Variants in LSS observed in about 807,000 individuals in gnomAD.
LSS encodes the protein 2,3-epoxysqualene-lanosterol cyclase.
In LSS, 90 loss-of-function variants were observed where a neutral mutation model predicts 110.3. The observed-to-expected ratio is 0.82, with a 90% CI of 0.69 to 0.97. LSS has a LOEUF of 0.97. Ranked by LOEUF, LSS falls within the 50% of genes least tolerant of loss-of-function variation. The pLI is 0.00. For synonymous variants in LSS, 433 were observed against 400.0 expected (o/e 1.08, Z -0.98); for missense variants, 927 against 990.0 (o/e 0.94, Z 0.85).
At chr21:46,219,802 T>C (rs2080252656) in intron 5 of LSS, among the ~76,000 whole-genome samples, 1 of 152,148 alleles carries the variant, frequency 6.6e-6, no homozygotes, top group Non-Finnish European at 1.5e-5. Flanking sequence ...CCTGGGAGTG[T>C]GTGTGTCCAG....
At chr21:46,192,395 C>T (rs1043665445) in intron 20 of LSS, 17 of 424,654 alleles carry the variant, frequency 4.0e-5, no homozygotes, top group African/African-American at 3.4e-4. Context: ...CCTCAGGGGT[C>T]CCCCAGACCC....
intron 6 of LSS, among the ~76,000 whole-genome samples, chr21:46,217,527 C>T (rs1300572124): frequency 1.3e-5 from 2 of 152,212 alleles, no homozygotes; most frequent in African/African-American, 4.8e-5. Context: ...CACTTTCACA[C>T]CCACTTACTT....
chr21:46,206,542 C>T, intron 16 of LSS, 130 bp downstream of exon 16: 1 of 762,178 alleles, frequency 1.3e-6, no homozygotes, highest in Non-Finnish European at 2.2e-6. Context: ...GGGAGGGCTC[C>T]AGACAGATCT....
intron 15 of LSS, among the ~76,000 whole-genome samples, chr21:46,206,985 G>C (rs1016599723): frequency 1.3e-5 from 2 of 152,132 alleles, no homozygotes; most frequent in Non-Finnish European, 2.9e-5. Context: ...AGCCACCAGG[G>C]AACATGCCCC....
chr21:46,221,957 G>A lies in LSS; in HGVS notation c.447C>T (p.Ser149=), dbSNP rs2080285133. 1 of 1,614,034 alleles carries A rather than the reference G, an allele frequency of 6.2e-7. No individual in the cohort carries two copies. Among genetic ancestry groups the A allele is most frequent in the Non-Finnish European group, 8.5e-7 (1 of 1,180,034 alleles). Residue 149 remains serine, a synonymous_variant, in exon 5 of 22, where the codon TCC becomes TCT. Coordinates refer to ENST00000397728, the MANE Select transcript of LSS (RefSeq NM_002340.6). ...GGWGLHIEDK[S]TVFGTALNYV... Reference sequence around the variant, plus strand: ...AGTTGAGCGCAGTCCCAAACACGGTGGACTTATCCTCAATGTGCCTACAGG... The same window carrying A: ...AGTTGAGCGCAGTCCCAAACACGGTAGACTTATCCTCAATGTGCCTACAGG...
chr21:46,210,417 C>T (rs1444308344), intron 12 of LSS, among the ~76,000 whole-genome samples: 1 of 152,078 alleles, frequency 6.6e-6, no homozygotes, highest in Non-Finnish European at 1.5e-5. Flanking sequence ...TGCCTGCACT[C>T]TCAGAAACAG....
At chr21:46,222,015 C>T in intron 4 of LSS, 40 bp from the exon 5 acceptor site, 2 of 1,606,380 alleles carry the variant, frequency 1.2e-6, no homozygotes, top group East Asian at 2.2e-5. Context: ...GGTATCTGTC[C>T]TTACTTCTAA....
intron 3 of LSS, chr21:46,224,610 G>C (rs1463899661): frequency 6.6e-6 from 1 of 152,154 alleles, no homozygotes; most frequent in Non-Finnish European, 1.5e-5. Context: ...ACGGGGAAAT[G>C]TGCAGAGAGG....
At chr21:46,207,816 G>A (rs763639008) in intron 14 of LSS, among the ~76,000 whole-genome samples, 9 of 152,220 alleles carry the variant, frequency 5.9e-5, no homozygotes, top group Non-Finnish European at 1.2e-4. Context: ...CAGATCTCAC[G>A]ACGGACAGGA....
At position 46,215,307 on chromosome 21, in the gene LSS, G is replaced by A. The variant is rs1248788315; in HGVS notation, c.893-9C>T. 2.5e-6 allele frequency: 4 copies of A among 1,581,586 alleles called. No individual in the cohort carries two copies. The African/African-American group carries it at 4.0e-5, about 16-fold the overall frequency. ...ATACAGGTTGAGGAGCGCTACAGGG[G>A]ACAGGGGTCAGTGGATGCCAGACAC... is the stretch of plus-strand genomic sequence containing the variant. On this transcript the variant is annotated splice_polypyrimidine_tract_variant and intron_variant, in intron 8 of 21. Coordinates refer to ENST00000397728, the MANE Select transcript of LSS (RefSeq NM_002340.6).
At chr21:46,207,134 A>C (rs1187063801) in intron 15 of LSS, among the ~76,000 whole-genome samples, 1 of 152,210 alleles carries the variant, frequency 6.6e-6, no homozygotes, top group African/African-American at 2.4e-5. Flanking sequence ...CTCTTCAGAC[A>C]CCCAGTGGAA....
intron 3 of LSS, among the ~76,000 whole-genome samples, chr21:46,223,856 G>A (rs7281075): frequency 2.6e-5 from 4 of 152,144 alleles, no homozygotes; most frequent in Non-Finnish European, 4.4e-5. Flanking sequence ...GCCCGTTGCC[G>A]AGCGGACGGT....
chr21:46,220,793 C>T (rs1355899183), intron 5 of LSS, among the ~76,000 whole-genome samples: 2 of 151,086 alleles, frequency 1.3e-5, no homozygotes, highest in Non-Finnish European at 3.0e-5. Flanking sequence ...GTAGCCAGGC[C>T]GGGGCTTGGA....
At chr21:46,215,027 C>T (rs2049113827) in intron 9 of LSS, among the ~76,000 whole-genome samples, 153 bp downstream of exon 9, 2 of 152,038 alleles carry the variant, frequency 1.3e-5, no homozygotes, top group Admixed American at 1.3e-4. Context: ...CAGAAGCCCT[C>T]AGACACTTGT....
rs950697355 is a variant in LSS at position 46,216,581 on chromosome 21, C to G, written c.648-57G>C. ...CCAAGACTCAAGCCTGCCCCCTCCG[C>G]CAGCATCCATACCTTGGGCCCTTTC... On this transcript the variant is annotated intron_variant, in intron 6 of 21. Transcript: ENST00000397728. The surrounding 1 kb of genome is among the most constrained non-coding windows in gnomAD (Gnocchi z 4.2). The G allele has an allele frequency of 1.3e-6, 2 of 1,487,054 alleles. No homozygotes were observed. Among genetic ancestry groups the G allele is most frequent in the Admixed American group, 4.6e-5 (2 of 43,358 alleles). 92.1% of individuals were successfully genotyped at this position (1,487,054 alleles called of 1,614,324 possible).
Position 46,189,007 on chromosome 21 carries a change from CTT to C in LSS, c.*2095_*2096del. The C allele has an allele frequency of 3.0e-6, 1 of 331,496 alleles. No individual in the cohort carries two copies. The highest frequency in any genetic ancestry group is 6.0e-6 in the Non-Finnish European group (1 of 167,142). 20.5% of individuals were successfully genotyped at this position (331,496 alleles called of 1,614,324 possible). ...GCACCCTGCTACTCCTCACGTCACT[CTT>C]GTTCCCTAAACCAGGCTGGGCCTCC... On this transcript the variant is annotated 3_prime_UTR_variant, in exon 22 of 22. Coordinates refer to ENST00000397728, the MANE Select transcript of LSS (RefSeq NM_002340.6).
chr21:46,225,760 C>T (rs1373032083), intron 3 of LSS, among the ~76,000 whole-genome samples: 5 of 152,180 alleles, frequency 3.3e-5, no homozygotes, highest in Admixed American at 3.3e-4. Flanking sequence ...GGGAAGAGCC[C>T]ACTGTCCAGT....
At position 46,192,087 on chromosome 21, in the gene LSS, C is replaced by T. The variant is rs573266991; in HGVS notation, c.1989-128G>A. On this transcript the variant is annotated intron_variant, in intron 20 of 21. Coordinates refer to ENST00000397728, the MANE Select transcript of LSS (RefSeq NM_002340.6). ...GTGAGAATGGATGGGTCTAAACTGA[C>T]GCCCACAGGCCCCGCCAGGTGCAGC... The T allele has an allele frequency of 7.8e-5, 58 of 745,714 alleles. No homozygotes were observed. In the East Asian group the frequency reaches 1.1e-3, roughly 14 times the overall value. The allele number at this position is 745,714 out of a possible 1,614,324, so 46.2% of individuals were successfully genotyped here.
Position 46,206,586 on chromosome 21 carries a change from A to AG in LSS, c.1564+85dup, listed in dbSNP as rs1049143223. The AG allele has an allele frequency of 2.3e-4, 275 of 1,172,520 alleles. 1 individual carries two copies. The Admixed American group carries it at 4.7e-3, about 20-fold the overall frequency. The allele number at this position is 1,172,520 out of a possible 1,614,324, so 72.6% of individuals were successfully genotyped here. ...ACCTGGGCCCTTGCAGCCTCGGGCA[A>AG]GGGGGAAAAGCTGGCCCCCAGGTTT... is the stretch of plus-strand genomic sequence containing the variant. On this transcript the variant is annotated intron_variant, in intron 16 of 21. Transcript: ENST00000397728.
Sources: allele counts gnomAD v4.1 joint callset (sites outside exome capture counted in the v4.1 genomes callset), GRCh38; gene constraint gnomAD v4.1.1; non-coding constraint Gnocchi (gnomAD v3.1); transcripts MANE v1.5; gene names NCBI Gene and HGNC (gene_info 2026-07-23, HGNC 2026-07-21).